Variants in HGSNAT observed in about 807,000 individuals in gnomAD.
HGSNAT encodes the protein transmembrane protein 76.
HGSNAT carries 59 observed loss-of-function variants against 85.2 expected under a neutral mutation model. The observed-to-expected ratio is 0.69, with a 90% CI of 0.56 to 0.86. The LOEUF is 0.86. Ranked by LOEUF, HGSNAT falls within the 40% of genes least tolerant of loss-of-function variation. The probability of loss-of-function intolerance (pLI) is 0.00; values close to 1 mark genes in which losing one functional copy is unlikely to be tolerated. For missense variants in HGSNAT, 756 were observed against 777.1 expected (o/e 0.97, Z 0.32); for synonymous variants, 321 against 304.5 (o/e 1.05, Z -0.56).
intron 14 of HGSNAT, chr8:43,196,377 C>A: frequency 1.1e-6 from 1 of 938,512 alleles, no homozygotes; most frequent in African/African-American, 1.7e-5. Context: ...AAATGTTTCC[C>A]TGCCTCCCCC....
intron 2 of HGSNAT, among the ~76,000 whole-genome samples, chr8:43,150,271 AG>A (rs1802861923): frequency 1.3e-5 from 2 of 151,958 alleles, no homozygotes; most frequent in Admixed American, 6.6e-5. Context: ...GTTTTTTATA[AG>A]TAAGATGTTC....
chr8:43,179,217 T>A (rs199948462), intron 10 of HGSNAT, among the ~76,000 whole-genome samples: 10 of 149,958 alleles, frequency 6.7e-5, no homozygotes, highest in African/African-American at 2.2e-4. Context: ...ACCTCCCGGA[T>A]GGGGCGGCTG....
intron 1 of HGSNAT, among the ~76,000 whole-genome samples, 173 bp from the exon 2 acceptor site, chr8:43,146,775 G>A (rs528049299): frequency 7.3e-5 from 11 of 151,708 alleles, no homozygotes; most frequent in South Asian, 2.1e-4. Flanking sequence ...ATGCATGCAC[G>A]CACATATATC....
intron 11 of HGSNAT, 105 bp downstream of exon 11, chr8:43,182,365 T>G: frequency 1.1e-6 from 1 of 928,462 alleles, no homozygotes; most frequent in East Asian, 2.5e-5. Context: ...CCCTCACTCC[T>G]GGCTTCAAGT....
intron 2 of HGSNAT, among the ~76,000 whole-genome samples, chr8:43,150,800 C>G (rs982921372): frequency 2.0e-5 from 3 of 151,396 alleles, no homozygotes; most frequent in Non-Finnish European, 4.4e-5. Context: ...CGCCACTGCA[C>G]TCCAGCCTGG....
chr8:43,197,927 G>T lies in HGSNAT; in HGVS notation c.1701G>T (p.Trp567Cys). 3.7e-6 allele frequency: 6 copies of T among 1,613,682 alleles called. No individual in the cohort carries two copies. Among genetic ancestry groups the T allele is most frequent in the Non-Finnish European group, 5.1e-6 (6 of 1,179,672 alleles). The change falls in exon 17 of 18, where the codon TGG (tryptophan) becomes TGT (cysteine). Residue 567 changes from tryptophan to cysteine, a missense_variant. Transcript: ENST00000379644. ...LYPVVDVKGL[W>C]TGTPFFYPGM... ...CAGTTGTGGATGTGAAGGGGCTGTG[G>T]ACAGGAACCCCATTCTTTTATCCAG...
Position 43,202,011 on chromosome 8 carries a change from T to G in HGSNAT, c.*2442T>G, listed in dbSNP as rs1168540262. ...CATCCCAAAGTTCAGCAGGGAAAGCTGAGCTGGGCCTCTCCAGGTGAGTTT... is the reference window on the plus strand; with the variant it reads ...CATCCCAAAGTTCAGCAGGGAAAGCGGAGCTGGGCCTCTCCAGGTGAGTTT... On this transcript the variant is annotated 3_prime_UTR_variant, in exon 18 of 18. Coordinates refer to ENST00000379644, the MANE Select transcript of HGSNAT (RefSeq NM_152419.3). The G allele has an allele frequency of 1.3e-5, 2 of 152,360 alleles. No individual in the cohort carries two copies. Among genetic ancestry groups the G allele is most frequent in the Admixed American group, 6.5e-5 (1 of 15,276 alleles). 9.4% of individuals were successfully genotyped at this position (152,360 alleles called of 1,614,324 possible). A position where few individuals can be genotyped will look rare whatever the true frequency, so the allele number is the denominator to read the frequency against.
intron 4 of HGSNAT, among the ~76,000 whole-genome samples, chr8:43,159,804 A>G (rs1314040592): frequency 6.6e-6 from 1 of 152,154 alleles, no homozygotes; most frequent in Non-Finnish European, 1.5e-5. Context: ...GGGATCATTC[A>G]TTATCTAATA....
At chr8:43,188,478 A>C (rs1353128368) in intron 11 of HGSNAT, among the ~76,000 whole-genome samples, 1 of 152,162 alleles carries the variant, frequency 6.6e-6, no homozygotes, top group Non-Finnish European at 1.5e-5. Flanking sequence ...CTTGTGCCAC[A>C]GTTTTCAGCT....
intron 14 of HGSNAT, chr8:43,194,184 G>A: frequency 1.2e-6 from 1 of 846,870 alleles, no homozygotes; most frequent in Non-Finnish European, 1.5e-6. Context: ...GATTGCTTGA[G>A]TCCGGGAGTT....
intron 5 of HGSNAT, among the ~76,000 whole-genome samples, chr8:43,161,892 C>T (rs1019848343): frequency 9.9e-5 from 15 of 152,238 alleles, no homozygotes; most frequent in African/African-American, 2.9e-4. Context: ...GAGGCACCTT[C>T]TAGTCCAGCT....
In HGSNAT at chr8:43,202,650, A is replaced by G. The variant is rs1804952841; in HGVS notation, c.*3081A>G. 6.6e-6 allele frequency: 1 copy of G among 152,222 alleles called. No individual in the cohort carries two copies. The highest frequency in any genetic ancestry group is 2.4e-5 in the African/African-American group (1 of 41,460). 9.4% of individuals were successfully genotyped at this position (152,222 alleles called of 1,614,324 possible). On this transcript the variant is annotated 3_prime_UTR_variant, in exon 18 of 18. Coordinates refer to ENST00000379644, the MANE Select transcript of HGSNAT (RefSeq NM_152419.3). ...CCTAATTCCTACTTAAAGTGAATATACTGCCGCTGTAGATCATAAAATGTA... is the reference window on the plus strand; with the variant it reads ...CCTAATTCCTACTTAAAGTGAATATGCTGCCGCTGTAGATCATAAAATGTA...
At chr8:43,144,131 G>A (rs985525521) in intron 1 of HGSNAT, among the ~76,000 whole-genome samples, 7 of 151,802 alleles carry the variant, frequency 4.6e-5, no homozygotes, top group African/African-American at 1.7e-4. Context: ...ACCAGCCTAG[G>A]TAACATGGTG....
intron 2 of HGSNAT, 46 bp from the exon 3 acceptor site, chr8:43,158,529 T>C: frequency 6.2e-7 from 1 of 1,608,338 alleles, no homozygotes; most frequent in African/African-American, 1.3e-5. Context: ...AATCAACAGA[T>C]GTTGAAAAAC....
intron 13 of HGSNAT, 51 bp from the exon 14 acceptor site, chr8:43,193,706 C>T (rs935833968): frequency 1.8e-5 from 22 of 1,202,188 alleles, no homozygotes; most frequent in Admixed American, 1.4e-4. Context: ...GCTGTTTGTA[C>T]GTGTTTTCAG....
chr8:43,181,137 GA>G (rs1804096145), intron 10 of HGSNAT, among the ~76,000 whole-genome samples: 2 of 112 alleles, frequency 0.018, no homozygotes, highest in Non-Finnish European at 0.071. Flanking sequence ...GGGAGAGGGA[GA>G]GGGAGAGGGA....
rs74795999 is a variant in HGSNAT at position 43,191,602 on chromosome 8, G to A, written c.1250+7G>A. ...CAGTCCCTGGGTGCCCTACGTAAGC[G>A]AACCCCTGGGGGTCATCCCTTGTGC... On this transcript the variant is annotated splice_region_variant and intron_variant, in intron 12 of 17. Coordinates refer to ENST00000379644, the MANE Select transcript of HGSNAT (RefSeq NM_152419.3). The A allele has an allele frequency of 7.8e-4, 1,256 of 1,613,602 alleles. 6 individuals are homozygous for A. In the African/African-American group the frequency reaches 0.015, roughly 19 times the overall value.
At position 43,178,224 on chromosome 8, in the gene HGSNAT, C is replaced by T. The variant is rs747338801; in HGVS notation, c.1002C>T (p.Cys334=). 8.4e-6 allele frequency: 13 copies of T among 1,541,024 alleles called. No individual in the cohort carries two copies. Among genetic ancestry groups the T allele is most frequent in the Non-Finnish European group, 1.1e-5 (13 of 1,147,670 alleles). ...IGIIIVNPNY[C]LGPLSWDKVR... is the part of the protein sequence containing the mutation. ...TTATCATTGTGAATCCCAATTATTG[C>T]CTTGGTCCATGTAAGTACTTTTTCC... The change falls in exon 10 of 18, where the codon TGC becomes TGT. Residue 334 remains cysteine, a synonymous_variant. Transcript: ENST00000379644.
chr8:43,185,680 C>T (rs558740095), intron 11 of HGSNAT, among the ~76,000 whole-genome samples: 2 of 152,128 alleles, frequency 1.3e-5, no homozygotes, highest in Non-Finnish European at 2.9e-5. Flanking sequence ...CTATGTTGAA[C>T]AGGAGTGGTG....
Sources: gnomAD v4.1 joint callset for allele counts (sites outside exome capture counted in the v4.1 genomes callset) on GRCh38, gnomAD v4.1.1 for gene constraint, MANE v1.5 for transcripts, NCBI Gene and HGNC (gene_info 2026-07-23, HGNC 2026-07-21) for gene names.